PTPRK: variants seen among roughly 807,000 people sequenced by gnomAD.
PTPRK encodes protein tyrosine phosphatase receptor type K, also known as receptor-type tyrosine-protein phosphatase kappa.
Under a neutral mutation model 178.0 loss-of-function variants are expected in PTPRK, and 75 were observed. The ratio of observed to expected loss-of-function variants is 0.42; its 90% CI spans 0.35 to 0.51. The LOEUF (loss-of-function observed/expected upper bound fraction) is 0.51. PTPRK is among the 20% of genes least tolerant of loss of function. The pLI, the probability that PTPRK is intolerant of heterozygous loss-of-function variation, is 0.02. For synonymous variants in PTPRK, 637 were observed against 620.6 expected, an observed-to-expected ratio of 1.03 and a Z score of -0.39; for missense variants, 1,441 against 1,797.8, an observed-to-expected ratio of 0.80 and a Z score of 3.59.
chr6:128,129,349 A>C (rs1482203106), intron 7 of PTPRK, among the ~76,000 whole-genome samples: 1 of 152,192 alleles, frequency 6.6e-6, no homozygotes, highest in East Asian at 1.9e-4. Context: ...TTGTCTGAAA[A>C]ATAAAATTAT....
intron 13 of PTPRK, among the ~76,000 whole-genome samples, chr6:128,043,687 T>C (rs1777572128): frequency 6.6e-6 from 1 of 151,926 alleles, no homozygotes; most frequent in Non-Finnish European, 1.5e-5. Context: ...AGAAACTATT[T>C]AATGTACTAT....
chr6:128,304,441 A>G (rs1386608481), intron 3 of PTPRK, among the ~76,000 whole-genome samples: 1 of 152,178 alleles, frequency 6.6e-6, no homozygotes, highest in Non-Finnish European at 1.5e-5. Context: ...CTTTGGTTGG[A>G]CTTTAAGAGA....
At chr6:128,063,832 G>A (rs1781290437) in intron 13 of PTPRK, among the ~76,000 whole-genome samples, 1 of 152,102 alleles carries the variant, frequency 6.6e-6, no homozygotes, top group African/African-American at 2.4e-5. Flanking sequence ...AATGCTGATT[G>A]AGCAGACTGA....
chr6:128,311,743 T>C (rs1423010520), intron 3 of PTPRK, among the ~76,000 whole-genome samples: 2 of 152,090 alleles, frequency 1.3e-5, no homozygotes, highest in East Asian at 3.9e-4. Flanking sequence ...CAAGCGATCC[T>C]CCTGCCTCAG....
rs138440991 is a variant in PTPRK, at chr6:128,024,884, A to T, written c.2195-15616T>A. Among the ~76,000 whole-genome samples, 12 of 152,220 alleles carry T rather than the reference A, an allele frequency of 7.9e-5. No homozygotes were observed. The East Asian group carries it at 2.1e-3, about 27-fold the overall frequency. ...GATAATTGCTAGAATTTATCATTAG[A>T]TTTTTCAGGATCATTAGATTTTTCA... On this transcript the variant is annotated intron_variant, in intron 13 of 29. Transcript: ENST00000368226.
intron 3 of PTPRK, among the ~76,000 whole-genome samples, chr6:128,305,161 C>A (rs576610883): frequency 3.9e-5 from 6 of 152,260 alleles, no homozygotes; most frequent in African/African-American, 1.2e-4. Context: ...ATTCCCGTTT[C>A]AAAGTCATCA....
At chr6:128,059,564 A>G (rs1281829968) in intron 13 of PTPRK, among the ~76,000 whole-genome samples, 1 of 152,146 alleles carries the variant, frequency 6.6e-6, no homozygotes, top group Non-Finnish European at 1.5e-5. Flanking sequence ...TAAGTATGTG[A>G]TTACAGCATT....
chr6:128,475,076 T>C (rs1450037916), intron 1 of PTPRK, among the ~76,000 whole-genome samples: 2 of 152,130 alleles, frequency 1.3e-5, no homozygotes, highest in African/African-American at 4.8e-5. Flanking sequence ...ATTAGAAGTA[T>C]CATTGCATAG....
At chr6:128,062,026 T>A (rs1290172596) in intron 13 of PTPRK, 1 of 152,186 alleles carries the variant, frequency 6.6e-6, no homozygotes, top group Non-Finnish European at 1.5e-5. Context: ...CCCAGTCATA[T>A]GATTATGCCA....
intron 7 of PTPRK, among the ~76,000 whole-genome samples, chr6:128,132,418 C>T (rs1406429683): frequency 6.6e-6 from 1 of 152,172 alleles, no homozygotes; most frequent in East Asian, 1.9e-4. Context: ...GTGATCCGCC[C>T]GCCTCGGCCT....
At chr6:128,141,712 T>C (rs1324771095) in intron 7 of PTPRK, among the ~76,000 whole-genome samples, 1 of 151,992 alleles carries the variant, frequency 6.6e-6, no homozygotes, top group Non-Finnish European at 1.5e-5. Context: ...TCAATTTTGA[T>C]AGCAAGAGCA....
At chr6:128,145,742 TATTAC>T (rs1398731448) in intron 7 of PTPRK, among the ~76,000 whole-genome samples, 14 of 152,216 alleles carry the variant, frequency 9.2e-5, no homozygotes, top group African/African-American at 2.9e-4. Context: ...GAATATTTTC[TATTAC>T]ATTAGGTATA....
chr6:128,170,551 C>T (rs948634726), intron 7 of PTPRK, among the ~76,000 whole-genome samples: 2 of 151,984 alleles, frequency 1.3e-5, no homozygotes, highest in African/African-American at 4.8e-5. Flanking sequence ...TCTTACCTGG[C>T]ATATTATTTA....
intron 1 of PTPRK, among the ~76,000 whole-genome samples, chr6:128,437,975 A>G (rs1461598318): frequency 6.6e-6 from 1 of 152,262 alleles, no homozygotes; most frequent in Non-Finnish European, 1.5e-5. Context: ...CTAAAGTCCC[A>G]CAGTCAGCCC....
chr6:128,464,451 G>A (rs1468335761), intron 1 of PTPRK, among the ~76,000 whole-genome samples: 1 of 151,346 alleles, frequency 6.6e-6, no homozygotes, highest in Non-Finnish European at 1.5e-5. Flanking sequence ...TAAAAGGAAG[G>A]AAAAAGTTAA....
chr6:128,405,606 T>C (rs535023819), intron 1 of PTPRK, among the ~76,000 whole-genome samples: 1 of 152,298 alleles, frequency 6.6e-6, no homozygotes, highest in South Asian at 2.1e-4. Flanking sequence ...CAAGCTCACA[T>C]TTAAACATAT....
At chr6:128,390,739 T>G (rs1257981839) in intron 2 of PTPRK, among the ~76,000 whole-genome samples, 1 of 152,136 alleles carries the variant, frequency 6.6e-6, no homozygotes, top group Non-Finnish European at 1.5e-5. Context: ...CTGGTAGATA[T>G]GCTGTTAAGA....
At chr6:128,119,264 T>A (rs1792065698) in intron 7 of PTPRK, among the ~76,000 whole-genome samples, 2 of 151,924 alleles carry the variant, frequency 1.3e-5, no homozygotes, top group Non-Finnish European at 2.9e-5. Context: ...ATGGATGTGT[T>A]TTTTGGTTTT....
chr6:128,515,459 T>C (rs1857845506), intron 1 of PTPRK, among the ~76,000 whole-genome samples: 1 of 152,134 alleles, frequency 6.6e-6, no homozygotes, highest in African/African-American at 2.4e-5. Context: ...TACAACCTTT[T>C]TAGGCAAAAA....
Sources: gnomAD v4.1 joint callset for allele counts (sites outside exome capture counted in the v4.1 genomes callset) on GRCh38, gnomAD v4.1.1 for gene constraint, MANE v1.5 for transcripts, NCBI Gene and HGNC (gene_info 2026-07-23, HGNC 2026-07-21) for gene names.